ALPK2: variants seen among roughly 807,000 people sequenced by gnomAD.
ALPK2 encodes the protein alpha-protein kinase 2.
In ALPK2, 127 loss-of-function variants were observed where a neutral mutation model predicts 163.1. The ratio of observed to expected loss-of-function variants is 0.78; its 90% CI spans 0.67 to 0.90. The LOEUF (loss-of-function observed/expected upper bound fraction) is 0.90. ALPK2 is among the 40% of genes least tolerant of loss of function. The probability of loss-of-function intolerance (pLI) is 0.00; values close to 1 mark genes in which losing one functional copy is unlikely to be tolerated. For missense variants in ALPK2, 2,360 were observed against 2,589.6 expected (o/e 0.91, Z 1.92); for synonymous variants, 953 against 959.1 (o/e 0.99, Z 0.12).
chr18:58,610,275 C>CAAAA (rs74183283), intron 2 of ALPK2, among the ~76,000 whole-genome samples: 74 of 61,742 alleles, frequency 1.2e-3, no homozygotes, highest in African/African-American at 2.3e-3. Flanking sequence ...GACCCTGTCT[C>CAAAA]AAAAAAAAAA....
At chr18:58,563,285 C>T (rs1441769902) in intron 4 of ALPK2, among the ~76,000 whole-genome samples, 3 of 152,164 alleles carry the variant, frequency 2.0e-5, no homozygotes, top group Non-Finnish European at 4.4e-5. Flanking sequence ...CTCTTGCTGG[C>T]TTTTCGTCTC....
chr18:58,580,573 A>G (rs1403150700), intron 3 of ALPK2, 25 bp from the exon 4 acceptor site: 2 of 1,585,134 alleles, frequency 1.3e-6, no homozygotes, highest in South Asian at 2.3e-5. Context: ...ATATATAGAT[A>G]AGTTTGCCAC....
At chr18:58,621,175 ACT>A (rs141765413) in intron 1 of ALPK2, among the ~76,000 whole-genome samples, 3,467 of 151,180 alleles carry the variant, frequency 0.023, 127 homozygotes, top group African/African-American at 0.08. Context: ...AAAAAATGAG[ACT>A]CTGATAATGG....
intron 3 of ALPK2, among the ~76,000 whole-genome samples, chr18:58,605,719 C>T (rs1450042035): frequency 1.3e-5 from 2 of 152,106 alleles, no homozygotes; most frequent in Non-Finnish European, 2.9e-5. Flanking sequence ...GGGGAGACCT[C>T]GACAAGGTTG....
At chr18:58,528,357 C>A (rs1190749652) in intron 6 of ALPK2, among the ~76,000 whole-genome samples, 1 of 152,014 alleles carries the variant, frequency 6.6e-6, no homozygotes, top group Admixed American at 6.5e-5. Context: ...TGTGGCAAAA[C>A]CCTGTCTCTA....
intron 4 of ALPK2, among the ~76,000 whole-genome samples, chr18:58,571,443 A>G (rs71357605): frequency 0.029 from 4,420 of 151,850 alleles, 104 homozygotes; most frequent in South Asian, 0.09. Context: ...AAAAAAAAAA[A>G]AGAACCTTAA....
intron 1 of ALPK2, among the ~76,000 whole-genome samples, chr18:58,614,902 T>C (rs941333170): frequency 1.3e-5 from 2 of 152,110 alleles, no homozygotes; most frequent in Admixed American, 1.3e-4. Context: ...ATCTCCCCAT[T>C]TCCACCCTCC....
Position 58,535,739 on chromosome 18 carries a change from T to C in ALPK2, c.4448A>G (p.Gln1483Arg). The part of the protein sequence containing the change: ...GSMKQEAEQI[Q>R]PEEAKTAIWQ... The stretch of plus-strand genomic sequence containing the variant: ...AATGGCAGTTTTTGCCTCCTCAGGT[T>C]GAATTTGTTCAGCCTCCTGCTTCAT... The change falls in exon 5 of 13, where the codon CAA becomes CGA. Residue 1483 changes from glutamine (Q) to arginine (R), a missense_variant. Transcript: ENST00000361673. 2 of 1,614,226 alleles carry C rather than the reference T, an allele frequency of 1.2e-6. No individual in the cohort carries two copies. Among genetic ancestry groups the C allele is most frequent in the Non-Finnish European group, 1.7e-6 (2 of 1,180,028 alleles).
At chr18:58,557,454 G>A (rs773238362) in intron 4 of ALPK2, among the ~76,000 whole-genome samples, 7 of 152,004 alleles carry the variant, frequency 4.6e-5, no homozygotes, top group Non-Finnish European at 5.9e-5. Context: ...TAGGTTTACC[G>A]ATTGTGACAA....
At chr18:58,556,418 G>A (rs919403623) in intron 4 of ALPK2, among the ~76,000 whole-genome samples, 12 of 152,224 alleles carry the variant, frequency 7.9e-5, no homozygotes, top group African/African-American at 2.4e-4. Flanking sequence ...AGGCTTCGCC[G>A]CTTCCTGACG....
chr18:58,492,644 T>C (rs2144101775), intron 12 of ALPK2, among the ~76,000 whole-genome samples: 1 of 152,340 alleles, frequency 6.6e-6, no homozygotes, highest in African/African-American at 2.4e-5. Flanking sequence ...GTTCTCTCTG[T>C]TCAGATTCAT....
intron 4 of ALPK2, among the ~76,000 whole-genome samples, chr18:58,539,823 G>A (rs1250214964): frequency 2.0e-5 from 3 of 152,158 alleles, no homozygotes; most frequent in African/African-American, 7.2e-5. Context: ...ACTGCCCGTG[G>A]GAAGCAGGAC....
At chr18:58,613,800 T>A (rs1268356410) in intron 1 of ALPK2, among the ~76,000 whole-genome samples, 2 of 151,846 alleles carry the variant, frequency 1.3e-5, no homozygotes, top group Non-Finnish European at 2.9e-5. Context: ...GACACAGATC[T>A]TGGCCCATGA....
intron 4 of ALPK2, among the ~76,000 whole-genome samples, chr18:58,568,752 T>G (rs763242861): frequency 1.3e-5 from 2 of 152,192 alleles, no homozygotes; most frequent in African/African-American, 4.8e-5. Context: ...TTACATTGTA[T>G]TAGGTGTTAT....
chr18:58,584,602 T>C (rs1452884480), intron 3 of ALPK2, among the ~76,000 whole-genome samples: 2 of 152,222 alleles, frequency 1.3e-5, no homozygotes, highest in African/African-American at 4.8e-5. Flanking sequence ...ATCAGCCAAA[T>C]GGCAGACTTG....
intron 4 of ALPK2, among the ~76,000 whole-genome samples, chr18:58,572,166 T>C (rs2051889311): frequency 6.6e-6 from 1 of 152,040 alleles, no homozygotes; most frequent in Non-Finnish European, 1.5e-5. Flanking sequence ...TGTTAACCAT[T>C]AGGGAAATGC....
intron 1 of ALPK2, among the ~76,000 whole-genome samples, chr18:58,613,243 A>G (rs926346435): frequency 6.6e-6 from 1 of 152,204 alleles, no homozygotes; most frequent in Non-Finnish European, 1.5e-5. Flanking sequence ...TAGAGGGAAA[A>G]GGAACCTGAG....
rs1422687999 is a variant in ALPK2 at position 58,514,130 on chromosome 18, G to T, written c.6029+863C>A. Among the ~76,000 whole-genome samples the T allele has an allele frequency of 2.6e-5, 4 of 152,196 alleles. No individual in the cohort carries two copies. The East Asian group carries it at 7.7e-4, about 29-fold the overall frequency. ...CAGATGGCTGTCTGTGTAATTAACAGAAAAGCAATTGTAAGTGGGTACTGA... is the reference window on the plus strand; with the variant it reads ...CAGATGGCTGTCTGTGTAATTAACATAAAAGCAATTGTAAGTGGGTACTGA... On this transcript the variant is annotated intron_variant, in intron 10 of 12. Coordinates refer to ENST00000361673, the MANE Select transcript of ALPK2 (RefSeq NM_052947.4).
chr18:58,588,582 C>G (rs1285772397), intron 3 of ALPK2, among the ~76,000 whole-genome samples: 1 of 152,294 alleles, frequency 6.6e-6, no homozygotes, highest in East Asian at 1.9e-4. Context: ...ACTGCTCCCC[C>G]TCAAACCCTG....
Sources: allele counts gnomAD v4.1 joint callset (sites outside exome capture counted in the v4.1 genomes callset), GRCh38; gene constraint gnomAD v4.1.1; transcripts MANE v1.5; gene names NCBI Gene and HGNC (gene_info 2026-07-23, HGNC 2026-07-21).